The following PLCG2 variants were observed in gnomAD, a reference collection of about 807,000 sequenced individuals.
The protein encoded by PLCG2 is phospholipase C gamma 2.
PLCG2 carries 69 observed loss-of-function variants against 175.6 expected under a neutral mutation model. The observed-to-expected ratio is 0.39, with a 90% CI of 0.32 to 0.48. PLCG2 has a LOEUF of 0.48. PLCG2 is among the 20% of genes least tolerant of loss of function. The probability of loss-of-function intolerance (pLI) is 0.91; values close to 1 mark genes in which losing one functional copy is unlikely to be tolerated. For synonymous variants in PLCG2, 827 were observed against 624.0 expected (o/e 1.33, Z -4.85); for missense variants, 1,798 against 1,650.9 (o/e 1.09, Z -1.54).
At chr16:81,876,258 A>G (rs184981683) in intron 7 of PLCG2, among the ~76,000 whole-genome samples, 17 of 152,136 alleles carry the variant, frequency 1.1e-4, no homozygotes, top group Admixed American at 1.1e-3. Context: ...CCTGGGCTCA[A>G]GTGATCCACC....
intron 2 of PLCG2, among the ~76,000 whole-genome samples, chr16:81,761,566 G>T (rs1467297434): frequency 6.6e-6 from 1 of 152,152 alleles, no homozygotes; most frequent in African/African-American, 2.4e-5. Context: ...CTTGACCATG[G>T]CTCGAACTTC....
At chr16:81,769,892 T>G (rs11150408) in intron 2 of PLCG2, among the ~76,000 whole-genome samples, 94,681 of 150,204 alleles carry the variant, frequency 0.63, 30,667 homozygotes, top group East Asian at 0.87. Context: ...ACCACTGGTG[T>G]TTCACACCTG....
chr16:81,766,055 C>A (rs1474183903), intron 2 of PLCG2, among the ~76,000 whole-genome samples: 1 of 152,172 alleles, frequency 6.6e-6, no homozygotes, highest in East Asian at 1.9e-4. Context: ...GCTTAGCCTT[C>A]CCAGGTGTGT....
At chr16:81,782,554 G>T (rs2143158536) in intron 1 of PLCG2, among the ~76,000 whole-genome samples, 1 of 152,314 alleles carries the variant, frequency 6.6e-6, no homozygotes, top group Middle Eastern at 3.4e-3. Flanking sequence ...TTGAATGGTG[G>T]ACTCCAGGGA....
chr16:81,917,227 C>CTT (rs57305207), intron 19 of PLCG2, among the ~76,000 whole-genome samples: 1 of 141,836 alleles, frequency 7.1e-6, no homozygotes, highest in Non-Finnish European at 1.5e-5. Context: ...ACAGGCTTTC[C>CTT]TTTTTTTTTT....
chr16:81,763,543 C>T lies in PLCG2; in HGVS notation c.-48+7577C>T, dbSNP rs532537156. On this transcript the variant is annotated intron_variant, in intron 2 of 5. Transcript: ENST00000565054. ...CAGGTGAGGCTCCCCGGGCACCTCT[C>T]CAGCATGGTGAGGTCAGGGTAGCTG... Among the ~76,000 whole-genome samples, 10 of 152,356 alleles carry T rather than the reference C, an allele frequency of 6.6e-5. No individual in the cohort carries two copies. In the East Asian group the frequency reaches 1.9e-3, roughly 29 times the overall value.
At chr16:81,869,390 A>T (rs1336080788) in intron 6 of PLCG2, 92 bp downstream of exon 6, 3 of 847,998 alleles carry the variant, frequency 3.5e-6, no homozygotes, top group Non-Finnish European at 6.1e-6. Flanking sequence ...GTTCCGTGGA[A>T]TAGTGCACAA....
intron 9 of PLCG2, among the ~76,000 whole-genome samples, chr16:81,884,777 T>TAAAAA (rs1332062355): frequency 6.6e-6 from 1 of 152,188 alleles, no homozygotes; most frequent in Non-Finnish European, 1.5e-5. Flanking sequence ...TTCATTTACT[T>TAAAAA]AAAAAACCTC....
intron 4 of PLCG2, 131 bp downstream of exon 4, chr16:81,858,487 G>T: frequency 1.4e-6 from 1 of 693,052 alleles, no homozygotes; most frequent in Non-Finnish European, 2.7e-6. Flanking sequence ...TGAGTGTCTT[G>T]TATGCAATGG....
intron 12 of PLCG2, among the ~76,000 whole-genome samples, chr16:81,894,628 T>C (rs955083546): frequency 6.6e-6 from 1 of 152,144 alleles, no homozygotes; most frequent in Admixed American, 6.5e-5. Flanking sequence ...ATCCCAGCAC[T>C]GTGAGAGGTC....
chr16:81,796,364 G>A (rs1006756513), intron 2 of PLCG2, among the ~76,000 whole-genome samples: 2 of 152,194 alleles, frequency 1.3e-5, no homozygotes, highest in East Asian at 3.8e-4. Flanking sequence ...CCTCCTATGG[G>A]CCATGCCTTT....
chr16:81,902,102 G>C (rs1158008001), intron 14 of PLCG2, among the ~76,000 whole-genome samples: 1 of 152,196 alleles, frequency 6.6e-6, no homozygotes, highest in African/African-American at 2.4e-5. Context: ...AAGCAAGTCA[G>C]CTGTCCCGTC....
At chr16:81,935,353 A>G (rs1910663380) in intron 26 of PLCG2, among the ~76,000 whole-genome samples, 1 of 152,040 alleles carries the variant, frequency 6.6e-6, no homozygotes, top group African/African-American at 2.4e-5. Flanking sequence ...CACACCTGCA[A>G]AGTCTGTTCT....
intron 13 of PLCG2, chr16:81,898,737 T>C (rs1909006759): frequency 6.6e-6 from 1 of 152,184 alleles, no homozygotes; most frequent in Non-Finnish European, 1.5e-5. Flanking sequence ...GTATGTCTAA[T>C]GATCAGTATG....
intron 2 of PLCG2, among the ~76,000 whole-genome samples, chr16:81,790,375 T>C (rs552157130): frequency 6.6e-6 from 1 of 152,306 alleles, no homozygotes; most frequent in Admixed American, 6.5e-5. Flanking sequence ...ATGATGGTGT[T>C]GGTAAAGTGA....
rs756095351 is a variant in PLCG2 at position 81,780,024 on chromosome 16, C to A, written c.-48+600C>A. On this transcript the variant is annotated intron_variant, in intron 1 of 32. Coordinates refer to ENST00000564138, the MANE Select transcript of PLCG2 (RefSeq NM_002661.5). ...TTGGAATCCCAAAGAGGGCATTACC[C>A]GCACAGCGCAAGAGTTCAGGTTAAA... 2.0e-4 allele frequency among the ~76,000 whole-genome samples: 31 copies of A among 152,190 alleles called. 1 individual carries two copies. The highest frequency in any genetic ancestry group is 7.3e-5 in the Non-Finnish European group (5 of 68,048).
rs181250983 is a variant in PLCG2 at position 81,818,099 on chromosome 16, A to G, written c.193+31917A>G. On this transcript the variant is annotated intron_variant, in intron 2 of 32. Transcript: ENST00000564138. ...GTGTCCCCTGATCTGTGAAGTGAGA[A>G]TTACAACACCTACTTTACAGGGCTC... is the stretch of plus-strand genomic sequence containing the variant. Among the ~76,000 whole-genome samples, 215 of 152,294 alleles carry G rather than the reference A, an allele frequency of 1.4e-3. 5 individuals carry two copies. The East Asian group carries it at 0.022, about 15-fold the overall frequency.
intron 2 of PLCG2, among the ~76,000 whole-genome samples, chr16:81,770,310 A>T (rs1304083997): frequency 6.6e-6 from 1 of 152,208 alleles, no homozygotes; most frequent in Non-Finnish European, 1.5e-5. Flanking sequence ...TTTTTGAAAC[A>T]GTTTTAGTTT....
At chr16:81,805,907 T>C (rs1283996297) in intron 2 of PLCG2, among the ~76,000 whole-genome samples, 1 of 151,180 alleles carries the variant, frequency 6.6e-6, no homozygotes, top group Non-Finnish European at 1.5e-5. Flanking sequence ...CCTGAGTAGC[T>C]GGGATTACAG....
Sources: gnomAD v4.1 joint callset for allele counts (sites outside exome capture counted in the v4.1 genomes callset) on GRCh38, gnomAD v4.1.1 for gene constraint, MANE v1.5 for transcripts, NCBI Gene and HGNC (gene_info 2026-07-23, HGNC 2026-07-21) for gene names.